Variants in ERAP1 observed in about 807,000 individuals in gnomAD.
The protein encoded by ERAP1 is endoplasmic reticulum aminopeptidase 1, also known as adipocyte-derived leucine aminopeptidase.
Under a neutral mutation model 103.7 loss-of-function variants are expected in ERAP1, and 86 were observed. The observed-to-expected ratio is 0.83, with a 90% CI of 0.70 to 0.99. ERAP1 has a LOEUF of 0.99. Ranked by LOEUF, ERAP1 falls within the 50% of genes least tolerant of loss-of-function variation. The probability of loss-of-function intolerance (pLI) is 0.00; values close to 1 mark genes in which losing one functional copy is unlikely to be tolerated. For missense variants in ERAP1, 1,009 were observed against 1,128.4 expected (o/e 0.89, Z 1.52); for synonymous variants, 398 against 402.4 (o/e 0.99, Z 0.13).
the ERAP1 span, among the ~76,000 whole-genome samples, chr5:96,844,468 C>T: frequency 3.9e-5 from 6 of 152,114 alleles, no homozygotes; most frequent in South Asian, 1.0e-3. Flanking sequence ...TTTGCTTAAG[C>T]CAGTCACAAC....
chr5:96,875,750 T>C, the ERAP1 span, among the ~76,000 whole-genome samples: 2 of 152,138 alleles, frequency 1.3e-5, no homozygotes, highest in African/African-American at 2.4e-5. Context: ...CCATGTACTG[T>C]TGGTCCATCA....
At chr5:96,870,930 A>C in the ERAP1 span, among the ~76,000 whole-genome samples, 1 of 152,194 alleles carries the variant, frequency 6.6e-6, no homozygotes, top group East Asian at 1.9e-4. Flanking sequence ...TCTCTGTGCA[A>C]GCACCAGGCT....
intron 15 of ERAP1, among the ~76,000 whole-genome samples, chr5:96,782,778 T>G (rs978265229): frequency 2.6e-5 from 4 of 152,234 alleles, no homozygotes; most frequent in African/African-American, 9.7e-5. Flanking sequence ...TGTCACCGTT[T>G]AATAAGATTT....
chr5:96,880,244 C>T, the ERAP1 span: 3 of 1,609,508 alleles, frequency 1.9e-6, no homozygotes, highest in Non-Finnish European at 2.5e-6. Context: ...ATACAGAACT[C>T]TTGGTGGTGA....
At chr5:96,912,796 G>A in the ERAP1 span, 1 of 1,591,874 alleles carries the variant, frequency 6.3e-7, no homozygotes, top group Non-Finnish European at 8.5e-7. Context: ...AAAAGTTACT[G>A]AAGTAAGTTC....
the ERAP1 span, chr5:96,896,965 T>TAAGACA: frequency 1.0e-6 from 1 of 970,030 alleles, no homozygotes. Context: ...GTCAACCATA[T>TAAGACA]TTATTCTGCT....
upstream of ERAP1, among the ~76,000 whole-genome samples, chr5:96,809,251 T>C (rs934642190): frequency 1.3e-5 from 2 of 152,200 alleles, no homozygotes; most frequent in African/African-American, 4.8e-5. Context: ...CTACCTTCTA[T>C]CTCATTCTGT....
the ERAP1 span, among the ~76,000 whole-genome samples, chr5:96,859,328 CCA>C: frequency 1.3e-5 from 2 of 152,132 alleles, no homozygotes; most frequent in Non-Finnish European, 1.5e-5. Context: ...CAGCAGGGGG[CCA>C]CATTCACCTT....
the ERAP1 span, chr5:96,822,859 C>G: frequency 3.4e-6 from 1 of 296,876 alleles, no homozygotes; most frequent in African/African-American, 2.2e-5. Flanking sequence ...GCCTTGAGTC[C>G]AGGCACAGTT....
chr5:96,862,835 G>A, the ERAP1 span, among the ~76,000 whole-genome samples: 1 of 152,068 alleles, frequency 6.6e-6, no homozygotes, highest in Non-Finnish European at 1.5e-5. Flanking sequence ...GACTATCCCT[G>A]CACCATTCTC....
the ERAP1 span, among the ~76,000 whole-genome samples, chr5:96,841,378 C>T: frequency 6.6e-6 from 1 of 152,204 alleles, no homozygotes; most frequent in African/African-American, 2.4e-5. Context: ...CTGCTTAGAA[C>T]TTGTTGTTTA....
At chr5:96,819,127 C>T in the ERAP1 span, among the ~76,000 whole-genome samples, 42 of 152,036 alleles carry the variant, frequency 2.8e-4, 1 homozygote, top group East Asian at 2.1e-3. Context: ...GGTTTCAACA[C>T]GTTGGCCAGG....
chr5:96,881,429 T>C, the ERAP1 span: 1 of 456,240 alleles, frequency 2.2e-6, no homozygotes, highest in Non-Finnish European at 4.4e-6. Flanking sequence ...GAATCAAGGA[T>C]GCTTCATAGA....
At chr5:96,860,821 C>CA in the ERAP1 span, among the ~76,000 whole-genome samples, 1 of 152,174 alleles carries the variant, frequency 6.6e-6, no homozygotes, top group South Asian at 2.1e-4. Flanking sequence ...CCAAAGAAAT[C>CA]AGACTCAAAT....
chr5:96,806,998 A>G (rs1258090194), intron 1 of ERAP1, among the ~76,000 whole-genome samples: 1 of 150,594 alleles, frequency 6.6e-6, no homozygotes, highest in Admixed American at 6.6e-5. Flanking sequence ...TGTTTTGTTA[A>G]TTGTTGACCA....
chr5:96,905,253 G>A, the ERAP1 span, among the ~76,000 whole-genome samples: 1 of 152,138 alleles, frequency 6.6e-6, no homozygotes, highest in Non-Finnish European at 1.5e-5. Flanking sequence ...ATGTAAGTCT[G>A]TGTATTATTA....
In ERAP1 at chr5:96,775,056, A is replaced by T. The variant is rs1773904653; in HGVS notation, c.*1340T>A. The stretch of plus-strand genomic sequence containing the variant: ...AACACGCTGCAACTTGAATCAAGTC[A>T]GCAACAGAGCACACTATGGGTTAGA... On this transcript the variant is annotated 3_prime_UTR_variant, in exon 19 of 19. Coordinates refer to ENST00000443439, the MANE Select transcript of ERAP1 (RefSeq NM_001040458.3). The T allele has an allele frequency of 1.0e-6, 1 of 985,574 alleles. No individual in the cohort carries two copies. Among genetic ancestry groups the T allele is most frequent in the Non-Finnish European group, 1.2e-6 (1 of 829,920 alleles). 61.1% of individuals were successfully genotyped at this position (985,574 alleles called of 1,614,324 possible). A position where few individuals can be genotyped will look rare whatever the true frequency, so the allele number is the denominator to read the frequency against.
chr5:96,763,089 C>T (rs549552270), exon 20 of ERAP1: 5 of 774,220 alleles, frequency 6.5e-6, no homozygotes, highest in African/African-American at 1.7e-5. Flanking sequence ...AACAGTGCCT[C>T]ATTTGCTAGA....
At chr5:96,903,542 A>T in the ERAP1 span, 2 of 1,604,668 alleles carry the variant, frequency 1.2e-6, no homozygotes, top group East Asian at 2.2e-5. Flanking sequence ...CTGATTCATG[A>T]TGTGTTTCAG....
Sources: gnomAD v4.1 joint callset for allele counts (sites outside exome capture counted in the v4.1 genomes callset) on GRCh38, gnomAD v4.1.1 for gene constraint, MANE v1.5 for transcripts, NCBI Gene and HGNC (gene_info 2026-07-23, HGNC 2026-07-21) for gene names.